Variants in NBEA observed in about 807,000 individuals in gnomAD.
The protein encoded by NBEA is neurobeachin, also known as lysosomal-trafficking regulator 2.
In NBEA, 44 loss-of-function variants were observed where a neutral mutation model predicts 343.4. The ratio of observed to expected loss-of-function variants is 0.13; its 90% CI spans 0.10 to 0.16. The LOEUF (loss-of-function observed/expected upper bound fraction) is 0.16, where lower values mean the gene tolerates loss of function less well. NBEA is among the 10% of genes least tolerant of loss of function. The probability of loss-of-function intolerance (pLI) is 1.00; values close to 1 mark genes in which losing one functional copy is unlikely to be tolerated. For synonymous variants in NBEA, 1,175 were observed against 1,238.7 expected, an observed-to-expected ratio of 0.95 and a Z score of 1.08; for missense variants, 2,555 against 3,631.3, an observed-to-expected ratio of 0.70 and a Z score of 7.62.
At chr13:35,288,269 TC>T (rs2035573782) in intron 34 of NBEA, among the ~76,000 whole-genome samples, 1 of 151,984 alleles carries the variant, frequency 6.6e-6, no homozygotes, top group Non-Finnish European at 1.5e-5. Flanking sequence ...TTAGTAATAC[TC>T]CCAACCAAAG....
At chr13:35,215,097 C>T (rs1310290076) in intron 33 of NBEA, among the ~76,000 whole-genome samples, 1 of 151,318 alleles carries the variant, frequency 6.6e-6, no homozygotes, top group Non-Finnish European at 1.5e-5. Context: ...AGTCCTGTAA[C>T]TATTTTTTTT....
intron 17 of NBEA, among the ~76,000 whole-genome samples, chr13:35,134,879 G>A (rs558683791): frequency 6.6e-6 from 1 of 151,922 alleles, no homozygotes; most frequent in East Asian, 1.9e-4. Context: ...AATAAGGAAA[G>A]CCTTTTCAAA....
At position 35,599,920 on chromosome 13, in the gene NBEA, T is replaced by A. The variant is rs192641292; in HGVS notation, c.7296+6473T>A. ...ATGAGCAAGCAATTTATAAAATACA[T>A]CTGATTAGTTTAGGTAATATATGTT... On this transcript the variant is annotated intron_variant, in intron 47 of 58. Coordinates refer to ENST00000379939, the MANE Select transcript of NBEA (RefSeq NM_001385012.1). Among the ~76,000 whole-genome samples, 659 of 152,306 alleles carry A rather than the reference T, an allele frequency of 4.3e-3. 2 individuals carry two copies. The highest frequency in any genetic ancestry group is 0.015 in the African/African-American group (620 of 41,572).
At chr13:35,140,214 G>C (rs575686766) in intron 17 of NBEA, among the ~76,000 whole-genome samples, 166 of 151,284 alleles carry the variant, frequency 1.1e-3, no homozygotes, top group Non-Finnish European at 1.7e-3. Context: ...AAGTCTTGCT[G>C]TGTTGCCCAG....
At chr13:35,092,462 G>A (rs1274152597) in intron 10 of NBEA, among the ~76,000 whole-genome samples, 1 of 151,930 alleles carries the variant, frequency 6.6e-6, no homozygotes, top group Non-Finnish European at 1.5e-5. Flanking sequence ...ACAGCAAATT[G>A]CTTATTTGAC....
At chr13:35,606,659 TATA>T (rs2082293519) in intron 48 of NBEA, 81 bp downstream of exon 48, 1 of 1,139,332 alleles carries the variant, frequency 8.8e-7, no homozygotes, top group Non-Finnish European at 1.2e-6. Context: ...TGTTCTTTAC[TATA>T]ATATTACCAA....
intron 38 of NBEA, among the ~76,000 whole-genome samples, chr13:35,389,865 C>G (rs929603155): frequency 6.6e-6 from 1 of 151,804 alleles, no homozygotes; most frequent in Non-Finnish European, 1.5e-5. Context: ...TTTTATTATT[C>G]TCTCTTAGTT....
chr13:35,463,908 T>A (rs1555271615), intron 40 of NBEA, among the ~76,000 whole-genome samples: 1 of 151,946 alleles, frequency 6.6e-6, no homozygotes, highest in Non-Finnish European at 1.5e-5. Flanking sequence ...AGGAAAGATA[T>A]ATTTCCAGAA....
intron 38 of NBEA, among the ~76,000 whole-genome samples, chr13:35,361,671 C>A (rs73494515): frequency 0.012 from 1,830 of 151,912 alleles, 46 homozygotes; most frequent in African/African-American, 0.042. Flanking sequence ...AAAGTCTGAT[C>A]CATAAAAGAA....
intron 1 of NBEA, among the ~76,000 whole-genome samples, chr13:34,994,276 T>A (rs1339025436): frequency 2.2e-5 from 3 of 136,340 alleles, no homozygotes; most frequent in Non-Finnish European, 4.8e-5. Flanking sequence ...TTATATGAAA[T>A]AATTCAATTC....
chr13:35,350,291 T>G (rs181569043), intron 37 of NBEA, among the ~76,000 whole-genome samples: 1 of 152,270 alleles, frequency 6.6e-6, no homozygotes, highest in Admixed American at 6.5e-5. Context: ...AAGGTGACAT[T>G]AAGCCAAGGG....
intron 18 of NBEA, among the ~76,000 whole-genome samples, chr13:35,143,189 C>T (rs1016215656): frequency 3.3e-5 from 5 of 152,130 alleles, no homozygotes; most frequent in Non-Finnish European, 5.9e-5. Context: ...CAAATTTCAG[C>T]GAACACAGTC....
chr13:35,218,752 A>G (rs774027587), intron 33 of NBEA, among the ~76,000 whole-genome samples: 1 of 151,996 alleles, frequency 6.6e-6, no homozygotes, highest in Non-Finnish European at 1.5e-5. Context: ...ATACACTAAG[A>G]TGATCATGTG....
chr13:35,073,552 T>C (rs1336205289), intron 10 of NBEA, among the ~76,000 whole-genome samples: 4 of 152,134 alleles, frequency 2.6e-5, no homozygotes, highest in Non-Finnish European at 5.9e-5. Flanking sequence ...TAATGAAACT[T>C]TTCATTGTTT....
intron 41 of NBEA, among the ~76,000 whole-genome samples, chr13:35,486,810 T>A (rs1489282808): frequency 6.6e-6 from 1 of 152,058 alleles, no homozygotes; most frequent in Non-Finnish European, 1.5e-5. Flanking sequence ...TTTAATTTTA[T>A]AAGGATAATG....
At chr13:35,592,838 T>TGATACGAAAG (rs1202183365) in intron 46 of NBEA, among the ~76,000 whole-genome samples, 1 of 137,746 alleles carries the variant, frequency 7.3e-6, no homozygotes, top group East Asian at 2.2e-4. Context: ...AAGGTAGTAC[T>TGATACGAAAG]AATACTTTCG....
At chr13:35,476,901 A>C in intron 41 of NBEA, 8 of 749,358 alleles carry the variant, frequency 1.1e-5, no homozygotes, top group Non-Finnish European at 1.3e-5. Context: ...ATCAAGAGGA[A>C]TCTCTCAGCT....
At chr13:35,563,036 T>G (rs2079939212) in intron 44 of NBEA, among the ~76,000 whole-genome samples, 1 of 151,990 alleles carries the variant, frequency 6.6e-6, no homozygotes, top group South Asian at 2.1e-4. Context: ...TTTGAGTAGA[T>G]TAGTGTCATA....
intron 38 of NBEA, among the ~76,000 whole-genome samples, chr13:35,367,321 C>T (rs1359486547): frequency 6.6e-6 from 1 of 151,200 alleles, no homozygotes; most frequent in Non-Finnish European, 1.5e-5. Context: ...AGTATCTTTA[C>T]TAATTTAATC....
Sources: allele counts gnomAD v4.1 joint callset (sites outside exome capture counted in the v4.1 genomes callset), GRCh38; gene constraint gnomAD v4.1.1; transcripts MANE v1.5; gene names NCBI Gene and HGNC (gene_info 2026-07-23, HGNC 2026-07-21).